Variants in MAPK4 observed in about 807,000 individuals in gnomAD.
MAPK4 encodes mitogen-activated protein kinase 4, also known as Erk3-related.
In MAPK4, 22 loss-of-function variants were observed where a neutral mutation model predicts 47.7. The ratio of observed to expected loss-of-function variants is 0.46; its 90% CI spans 0.33 to 0.66. The LOEUF is 0.66. Ranked by LOEUF, MAPK4 falls within the 30% of genes least tolerant of loss-of-function variation. The probability of loss-of-function intolerance (pLI) is 0.02; values close to 1 mark genes in which losing one functional copy is unlikely to be tolerated. For missense variants in MAPK4, 736 were observed against 831.7 expected, an observed-to-expected ratio of 0.88 and a Z score of 1.42; for synonymous variants, 390 against 365.7, an observed-to-expected ratio of 1.07 and a Z score of -0.76.
intron 1 of MAPK4, among the ~76,000 whole-genome samples, chr18:50,635,315 C>T (rs1022608850): frequency 1.3e-5 from 2 of 152,144 alleles, no homozygotes; most frequent in Non-Finnish European, 2.9e-5. Context: ...TAGGATTCAA[C>T]TTCAATGCCC....
At chr18:50,650,881 G>A (rs1054113233) in intron 1 of MAPK4, among the ~76,000 whole-genome samples, 1 of 152,232 alleles carries the variant, frequency 6.6e-6, no homozygotes, top group African/African-American at 2.4e-5. Context: ...TCCTGGCCAT[G>A]CACGGGCCTT....
chr18:50,584,217 C>T (rs1317510503), intron 1 of MAPK4, among the ~76,000 whole-genome samples: 1 of 152,150 alleles, frequency 6.6e-6, no homozygotes, highest in Non-Finnish European at 1.5e-5. Context: ...CTTGCTACAG[C>T]CAGGGAGTCT....
At chr18:50,600,616 C>T (rs983011305) in intron 1 of MAPK4, among the ~76,000 whole-genome samples, 1 of 152,268 alleles carries the variant, frequency 6.6e-6, no homozygotes, top group South Asian at 2.1e-4. Context: ...TCAGGAGAAC[C>T]ACGGACCTGT....
At chr18:50,661,114 G>A (rs1197606013) in intron 1 of MAPK4, among the ~76,000 whole-genome samples, 1 of 152,192 alleles carries the variant, frequency 6.6e-6, no homozygotes, top group Admixed American at 6.5e-5. Context: ...CCCAGCAGAA[G>A]CTGGAAAGGA....
chr18:50,688,873 C>CA (rs1386511091), intron 2 of MAPK4, among the ~76,000 whole-genome samples: 1 of 106,608 alleles, frequency 9.4e-6, no homozygotes, highest in Non-Finnish European at 1.9e-5. Flanking sequence ...CCTGTTCTCC[C>CA]AAAAACCTAT....
intron 1 of MAPK4, among the ~76,000 whole-genome samples, chr18:50,616,141 A>G (rs979950266): frequency 1.3e-5 from 2 of 152,172 alleles, no homozygotes; most frequent in African/African-American, 2.4e-5. Flanking sequence ...TTGATTGGGT[A>G]TATGTCTTAA....
Position 50,729,798 on chromosome 18 carries a change from C to T in MAPK4, c.1708C>T (p.Pro570Ser), listed in dbSNP as rs1166513447. The T allele has an allele frequency of 6.2e-7, 1 of 1,612,484 alleles. No homozygotes were observed. Among genetic ancestry groups the T allele is most frequent in the East Asian group, 2.2e-5 (1 of 44,848 alleles). ...GGGCGACCTCAATGGTGCGTGCATC[C>T]CCGAGCACCCTGGCGACCTCGTGCA... ...KLGDLNGACI[P>S]EHPGDLVQTE... Residue 570 changes from proline to serine, a missense_variant, in exon 6 of 6, where the codon CCC becomes TCC. Coordinates refer to ENST00000400384, the MANE Select transcript of MAPK4 (RefSeq NM_002747.4).
At chr18:50,565,030 C>A (rs1397489693) in intron 1 of MAPK4, among the ~76,000 whole-genome samples, 1 of 152,160 alleles carries the variant, frequency 6.6e-6, no homozygotes, top group African/African-American at 2.4e-5. Context: ...CTTGGGAAAG[C>A]AGTCTTTGGG....
chr18:50,688,303 A>C (rs1460935542), intron 2 of MAPK4, among the ~76,000 whole-genome samples: 1 of 152,196 alleles, frequency 6.6e-6, no homozygotes, highest in Non-Finnish European at 1.5e-5. Flanking sequence ...TGAGTGTTCC[A>C]GGCACAGACG....
chr18:50,644,249 A>T (rs2042967668), intron 1 of MAPK4, among the ~76,000 whole-genome samples: 1 of 152,014 alleles, frequency 6.6e-6, no homozygotes, highest in African/African-American at 2.4e-5. Context: ...CCCCCTGTAA[A>T]TGACACCTGG....
chr18:50,588,892 A>G (rs948358376), intron 1 of MAPK4, among the ~76,000 whole-genome samples: 3 of 152,172 alleles, frequency 2.0e-5, no homozygotes, highest in Non-Finnish European at 2.9e-5. Context: ...GGAGATGTGA[A>G]CATACGGTAA....
chr18:50,653,143 C>G (rs547690672), intron 1 of MAPK4, among the ~76,000 whole-genome samples: 2 of 151,632 alleles, frequency 1.3e-5, no homozygotes, highest in Non-Finnish European at 2.9e-5. Flanking sequence ...GAGCTATGAT[C>G]GAGCCACTGC....
Position 50,664,079 on chromosome 18 carries a change from C to A in MAPK4, c.121C>A (p.Arg41=), listed in dbSNP as rs776211637. The change falls in exon 2 of 6, where the codon CGG becomes AGG. Residue 41 remains arginine (R), a synonymous_variant. Transcript: ENST00000400384. This position sits in a 1 kb window ranked among gnomAD's most constrained non-coding sequence, Gnocchi z 6.0. ...TTTGGTGCTGTCGGCCGTGGACAGC[C>A]GGGCCTGCCGGAAGGTCGCTGTGAA... ...NGLVLSAVDS[R]ACRKVAVKKI... 1.2e-6 allele frequency: 2 copies of A among 1,613,902 alleles called. No individual in the cohort carries two copies. Among genetic ancestry groups the A allele is most frequent in the Admixed American group, 3.3e-5 (2 of 60,034 alleles).
chr18:50,560,782 G>A (rs796984846), intron 1 of MAPK4: 2 of 152,714 alleles, frequency 1.3e-5, no homozygotes, highest in African/African-American at 4.8e-5. Context: ...TGGGAGAGGG[G>A]GAGTGGGGGG....
chr18:50,606,364 T>C (rs573215008), intron 1 of MAPK4, among the ~76,000 whole-genome samples: 1 of 152,244 alleles, frequency 6.6e-6, no homozygotes, highest in Admixed American at 6.5e-5. Context: ...TTGTCTTTAA[T>C]ACACTAGTGA....
At chr18:50,654,104 C>T (rs959063973) in intron 1 of MAPK4, among the ~76,000 whole-genome samples, 5 of 152,248 alleles carry the variant, frequency 3.3e-5, no homozygotes, top group African/African-American at 9.6e-5. Flanking sequence ...CATTGCTGGT[C>T]GAAAGCAAGA....
At chr18:50,637,027 G>A (rs1198415102) in intron 1 of MAPK4, among the ~76,000 whole-genome samples, 2 of 150,578 alleles carry the variant, frequency 1.3e-5, no homozygotes, top group African/African-American at 2.4e-5. Context: ...TCCAAACCTC[G>A]GTTTCTTTGA....
intron 1 of MAPK4, among the ~76,000 whole-genome samples, chr18:50,658,505 C>A (rs2043135377): frequency 6.6e-6 from 1 of 152,180 alleles, no homozygotes; most frequent in Admixed American, 6.5e-5. Context: ...GTTGTAAGAC[C>A]CAACTGAAAT....
chr18:50,714,933 T>G, intron 2 of MAPK4, 146 bp from the exon 3 acceptor site: 1 of 772,630 alleles, frequency 1.3e-6, no homozygotes, highest in Non-Finnish European at 2.1e-6. Context: ...TGTTCACTCA[T>G]GCTCCTTCAA....
Sources: gnomAD v4.1 joint callset for allele counts (sites outside exome capture counted in the v4.1 genomes callset) on GRCh38, gnomAD v4.1.1 for gene constraint, Gnocchi (gnomAD v3.1) non-coding constraint, MANE v1.5 for transcripts, NCBI Gene and HGNC (gene_info 2026-07-23, HGNC 2026-07-21) for gene names.